The following TNFSF4 variants were observed in gnomAD, a reference collection of about 807,000 sequenced individuals.
TNFSF4 encodes the protein TNF superfamily member 4.
TNFSF4 carries 4 observed loss-of-function variants against 7.3 expected under a neutral mutation model. That is an observed-to-expected ratio of 0.55 (90% CI 0.27 to 1.25). The LOEUF is 1.25. Among genes scored for constraint, TNFSF4 ranks in the 50% most tolerant of loss-of-function variants. The pLI, the probability that TNFSF4 is intolerant of heterozygous loss-of-function variation, is 0.12. For synonymous variants in TNFSF4, 76 were observed against 83.7 expected, an observed-to-expected ratio of 0.91 and a Z score of 0.50; for missense variants, 181 against 208.8, an observed-to-expected ratio of 0.87 and a Z score of 0.82.
chr1:173,258,710 G>A, the TNFSF4 span, among the ~76,000 whole-genome samples: 1 of 152,190 alleles, frequency 6.6e-6, no homozygotes, highest in Non-Finnish European at 1.5e-5. Context: ...TCCCCACAGG[G>A]CAGCACAGCA....
chr1:173,421,824 A>G, the TNFSF4 span, among the ~76,000 whole-genome samples: 41 of 152,238 alleles, frequency 2.7e-4, no homozygotes, highest in Admixed American at 2.4e-3. Flanking sequence ...GAAACATAAT[A>G]CAGTAATTTA....
chr1:173,338,498 A>C, the TNFSF4 span, among the ~76,000 whole-genome samples: 1 of 152,024 alleles, frequency 6.6e-6, no homozygotes, highest in Non-Finnish European at 1.5e-5. Context: ...TGGTAGAATG[A>C]CTTTTTGAAG....
the TNFSF4 span, among the ~76,000 whole-genome samples, chr1:173,328,533 A>G: frequency 6.6e-6 from 1 of 151,354 alleles, no homozygotes; most frequent in South Asian, 2.1e-4. Flanking sequence ...TACAAAGTTT[A>G]TCTTCGTAAT....
the TNFSF4 span, among the ~76,000 whole-genome samples, chr1:173,269,105 TAATA>T: frequency 6.6e-6 from 1 of 152,164 alleles, no homozygotes; most frequent in African/African-American, 2.4e-5. Flanking sequence ...TGGAATGAAT[TAATA>T]TTTACATGTA....
At chr1:173,377,506 C>T in the TNFSF4 span, among the ~76,000 whole-genome samples, 2 of 152,224 alleles carry the variant, frequency 1.3e-5, no homozygotes, top group South Asian at 2.1e-4. Flanking sequence ...AGTCACGACG[C>T]CCAAGCGAGA....
the TNFSF4 span, among the ~76,000 whole-genome samples, chr1:173,433,906 C>A: frequency 2.6e-5 from 4 of 152,158 alleles, no homozygotes; most frequent in African/African-American, 7.2e-5. Flanking sequence ...AAAATAGCCC[C>A]TAATTCAGTA....
At chr1:173,396,627 A>G in the TNFSF4 span, among the ~76,000 whole-genome samples, 1 of 152,208 alleles carries the variant, frequency 6.6e-6, no homozygotes, top group Admixed American at 6.5e-5. Context: ...AGCTCAAGGA[A>G]TTAGAAAGGG....
the TNFSF4 span, among the ~76,000 whole-genome samples, chr1:173,228,975 GGGAGAAT>G: frequency 1.3e-5 from 2 of 152,168 alleles, no homozygotes; most frequent in African/African-American, 4.8e-5. Context: ...GAAAGTGACG[GGGAGAAT>G]GGAACCAAGT....
At chr1:173,420,649 A>T in the TNFSF4 span, among the ~76,000 whole-genome samples, 1 of 152,256 alleles carries the variant, frequency 6.6e-6, no homozygotes, top group Admixed American at 6.5e-5. Context: ...AAGAAAAGAA[A>T]GTAAACACTT....
chr1:173,261,017 CCAGAACAA>C, the TNFSF4 span, among the ~76,000 whole-genome samples: 2 of 152,122 alleles, frequency 1.3e-5, no homozygotes, highest in Non-Finnish European at 1.5e-5. Context: ...ACTCTCCACC[CCAGAACAA>C]CAGAATATAC....
At chr1:173,383,982 A>G in the TNFSF4 span, among the ~76,000 whole-genome samples, 9 of 152,244 alleles carry the variant, frequency 5.9e-5, no homozygotes, top group African/African-American at 2.2e-4. Context: ...TATCGTCATC[A>G]TGATGACCAT....
At chr1:173,433,313 A>T in the TNFSF4 span, among the ~76,000 whole-genome samples, 2 of 152,204 alleles carry the variant, frequency 1.3e-5, no homozygotes, top group Non-Finnish European at 2.9e-5. Flanking sequence ...TCATATACAG[A>T]CTTGCAGTAT....
At chr1:173,329,808 C>T in the TNFSF4 span, among the ~76,000 whole-genome samples, 1 of 151,226 alleles carries the variant, frequency 6.6e-6, no homozygotes, top group African/African-American at 2.4e-5. Flanking sequence ...AACCATGAGA[C>T]ATTTGAGTCT....
the TNFSF4 span, chr1:173,363,610 T>C: frequency 2.2e-6 from 1 of 448,208 alleles, no homozygotes. Context: ...TAGATCACTC[T>C]TAAGGAAAGG....
At chr1:173,420,188 A>C in the TNFSF4 span, among the ~76,000 whole-genome samples, 1 of 152,170 alleles carries the variant, frequency 6.6e-6, no homozygotes, top group Non-Finnish European at 1.5e-5. Flanking sequence ...GCCATTAAAT[A>C]AAGAGGCTCT....
At chr1:173,401,130 C>T in the TNFSF4 span, among the ~76,000 whole-genome samples, 1 of 152,004 alleles carries the variant, frequency 6.6e-6, no homozygotes, top group Admixed American at 6.6e-5. Flanking sequence ...AATTTTACAT[C>T]GTAGTGTTTA....
the TNFSF4 span, among the ~76,000 whole-genome samples, chr1:173,220,353 T>C: frequency 5.3e-5 from 8 of 152,206 alleles, no homozygotes; most frequent in Admixed American, 5.2e-4. Flanking sequence ...CTTTGAATTT[T>C]GCTTACTTTG....
the TNFSF4 span, among the ~76,000 whole-genome samples, chr1:173,260,413 C>T: frequency 1.3e-5 from 2 of 152,150 alleles, no homozygotes; most frequent in Non-Finnish European, 2.9e-5. Flanking sequence ...ACCAATGACA[C>T]TATGAAAAAA....
At chr1:173,387,760 T>TA in the TNFSF4 span, among the ~76,000 whole-genome samples, 244 of 152,116 alleles carry the variant, frequency 1.6e-3, 8 homozygotes, top group South Asian at 0.044. Flanking sequence ...TGAAATATGG[T>TA]AAAAAAAATT....
Sources: gnomAD v4.1 joint callset for allele counts (sites outside exome capture counted in the v4.1 genomes callset) on GRCh38, gnomAD v4.1.1 for gene constraint, MANE v1.5 for transcripts, NCBI Gene and HGNC (gene_info 2026-07-23, HGNC 2026-07-21) for gene names.